Variants in DAB1 observed in about 807,000 individuals in gnomAD.
The protein encoded by DAB1 is disabled homolog 1.
Under a neutral mutation model 64.6 loss-of-function variants are expected in DAB1, and 15 were observed. The observed-to-expected ratio is 0.23, with a 90% confidence interval of 0.16 to 0.36. The LOEUF is 0.36. Ranked by LOEUF, DAB1 falls within the 10% of genes least tolerant of loss-of-function variation. The probability of loss-of-function intolerance (pLI) is 1.00; values close to 1 mark genes in which losing one functional copy is unlikely to be tolerated. For missense variants in DAB1, 596 were observed against 706.7 expected (o/e 0.84, Z 1.78); for synonymous variants, 235 against 251.9 (o/e 0.93, Z 0.64).
At chr1:57,272,551 A>C (rs1378540724) in intron 2 of DAB1, among the ~76,000 whole-genome samples, 1 of 152,190 alleles carries the variant, frequency 6.6e-6, no homozygotes, top group East Asian at 1.9e-4. Context: ...TGTCTCTCTG[A>C]GAGATGGGTC....
intron 1 of DAB1, among the ~76,000 whole-genome samples, chr1:57,356,834 A>G (rs1679148122): frequency 6.6e-6 from 1 of 152,056 alleles, no homozygotes; most frequent in Non-Finnish European, 1.5e-5. Flanking sequence ...TGCCTCTCGC[A>G]ATAGACCACA....
intron 2 of DAB1, among the ~76,000 whole-genome samples, chr1:57,171,883 T>C (rs1364199064): frequency 6.6e-6 from 1 of 152,134 alleles, no homozygotes; most frequent in East Asian, 1.9e-4. Context: ...AGGGCTGCAG[T>C]AATAAGGAAC....
intron 3 of DAB1, among the ~76,000 whole-genome samples, chr1:58,503,404 T>A (rs1569905335): frequency 6.6e-6 from 1 of 152,314 alleles, no homozygotes; most frequent in African/African-American, 2.4e-5. Context: ...CTACATATTA[T>A]ATCAGGTAAA....
intron 6 of DAB1, among the ~76,000 whole-genome samples, chr1:57,794,527 G>A (rs1456899302): frequency 6.6e-6 from 1 of 152,114 alleles, no homozygotes; most frequent in Non-Finnish European, 1.5e-5. Flanking sequence ...CTCAGCCTTG[G>A]CACTCCCTCT....
intron 4 of DAB1, among the ~76,000 whole-genome samples, chr1:58,330,688 T>C (rs1662949990): frequency 1.3e-5 from 2 of 152,180 alleles, no homozygotes; most frequent in African/African-American, 4.8e-5. Context: ...AGAATTATGT[T>C]AAATCTACTT....
chr1:57,861,039 T>C (rs1241719724), intron 1 of DAB1: 7 of 152,088 alleles, frequency 4.6e-5, no homozygotes, highest in African/African-American at 1.4e-4. Context: ...AAGATGTAAA[T>C]ACTCGTTCCC....
At chr1:57,450,684 C>T (rs1686317361) in intron 7 of DAB1, among the ~76,000 whole-genome samples, 1 of 152,202 alleles carries the variant, frequency 6.6e-6, no homozygotes, top group Non-Finnish European at 1.5e-5. Flanking sequence ...CATGTGCAGT[C>T]TGGGGTGCTA....
chr1:57,490,034 C>T lies in DAB1; in HGVS notation n.625+159558G>A, dbSNP rs78854725. On this transcript the variant is annotated intron_variant and non_coding_transcript_variant, in intron 7 of 20. Coordinates refer to the DAB1 transcript ENST00000485760. Reference sequence around the variant, plus strand: ...AGGGGCCCAAGAAAGCTGCCTTGTCCGCTTCCACCATGTGAGAACACAGCA... The same window carrying T: ...AGGGGCCCAAGAAAGCTGCCTTGTCTGCTTCCACCATGTGAGAACACAGCA... 8.7e-3 allele frequency among the ~76,000 whole-genome samples: 1,324 copies of T among 152,198 alleles called. 15 individuals are homozygous for T. Among genetic ancestry groups the T allele is most frequent in the African/African-American group, 0.024 (981 of 41,516 alleles).
chr1:58,200,243 CT>C (rs1657923263), intron 4 of DAB1, among the ~76,000 whole-genome samples: 1 of 152,236 alleles, frequency 6.6e-6, no homozygotes, highest in Middle Eastern at 3.4e-3. Context: ...TGAAAAAGCA[CT>C]TAAGGAACAC....
intron 7 of DAB1, among the ~76,000 whole-genome samples, chr1:57,608,248 T>C (rs918022721): frequency 6.6e-6 from 1 of 152,066 alleles, no homozygotes; most frequent in African/African-American, 2.4e-5. Flanking sequence ...GACACACACA[T>C]ACACAATGTA....
chr1:58,114,076 G>GT (rs1212263941), intron 5 of DAB1, among the ~76,000 whole-genome samples: 19 of 139,470 alleles, frequency 1.4e-4, no homozygotes, highest in African/African-American at 5.1e-4. Flanking sequence ...GTGAAACCCC[G>GT]TAATTACTAA....
intron 7 of DAB1, among the ~76,000 whole-genome samples, chr1:57,540,918 C>G (rs1382433943): frequency 2.6e-5 from 4 of 152,046 alleles, no homozygotes; most frequent in African/African-American, 9.7e-5. Context: ...ACACAGTAGA[C>G]TGAATATACT....
At chr1:57,030,841 A>T (rs750615993) in intron 9 of DAB1, among the ~76,000 whole-genome samples, 8 of 152,232 alleles carry the variant, frequency 5.3e-5, no homozygotes, top group Non-Finnish European at 8.8e-5. Context: ...AGGAATGTTT[A>T]TTTAATCAAT....
intron 7 of DAB1, among the ~76,000 whole-genome samples, chr1:57,619,861 T>G (rs766521073): frequency 6.6e-5 from 10 of 151,986 alleles, no homozygotes; most frequent in Non-Finnish European, 1.0e-4. Flanking sequence ...AGGGGTCAAC[T>G]GGATCCAGAG....
chr1:57,617,857 T>C (rs1050778052), intron 7 of DAB1, among the ~76,000 whole-genome samples: 2 of 152,214 alleles, frequency 1.3e-5, no homozygotes, highest in African/African-American at 4.8e-5. Context: ...GGGTTCTATT[T>C]GCCTAGCACA....
At chr1:57,622,936 T>G (rs556922151) in intron 7 of DAB1, among the ~76,000 whole-genome samples, 1 of 152,204 alleles carries the variant, frequency 6.6e-6, no homozygotes, top group Non-Finnish European at 1.5e-5. Flanking sequence ...AAGTTGTGCT[T>G]CCATGATTTA....
At chr1:58,376,113 T>A (rs537134299) in intron 3 of DAB1, among the ~76,000 whole-genome samples, 8 of 152,282 alleles carry the variant, frequency 5.3e-5, no homozygotes, top group African/African-American at 1.9e-4. Context: ...ATTTTGTTGA[T>A]CCTTTCAAAA....
intron 1 of DAB1, among the ~76,000 whole-genome samples, chr1:57,335,482 C>T (rs902815463): frequency 1.3e-5 from 2 of 152,092 alleles, no homozygotes; most frequent in African/African-American, 4.8e-5. Flanking sequence ...AATGAACATC[C>T]CCTTTCATTG....
At chr1:58,240,987 T>C (rs1660266832) in intron 4 of DAB1, among the ~76,000 whole-genome samples, 3 of 152,078 alleles carry the variant, frequency 2.0e-5, no homozygotes, top group Admixed American at 1.3e-4. Flanking sequence ...GACAAAAGTA[T>C]AAAAAATAGA....
Sources: gnomAD v4.1 joint callset for allele counts (sites outside exome capture counted in the v4.1 genomes callset) on GRCh38, gnomAD v4.1.1 for gene constraint, MANE v1.5 for transcripts, NCBI Gene and HGNC (gene_info 2026-07-23, HGNC 2026-07-21) for gene names.